The following KIF1A variants were observed in gnomAD, a reference collection of about 807,000 sequenced individuals.
KIF1A encodes kinesin-like protein KIF1A.
KIF1A carries 46 observed loss-of-function variants against 227.3 expected under a neutral mutation model. That is an observed-to-expected ratio of 0.20 (90% CI 0.16 to 0.26). KIF1A has a LOEUF of 0.26. KIF1A is among the 10% of genes least tolerant of loss of function. The pLI, the probability that KIF1A is intolerant of heterozygous loss-of-function variation, is 1.00. For missense variants in KIF1A, 1,683 were observed against 2,485.9 expected (o/e 0.68, Z 6.87); for synonymous variants, 1,022 against 1,012.8 (o/e 1.01, Z -0.17).
rs2054368563 is a variant in KIF1A, at chr2:240,783,721, T to G, written c.798+18A>C. The G allele has an allele frequency of 6.4e-7, 1 of 1,554,328 alleles. No homozygotes were observed. The highest frequency in any genetic ancestry group is 8.7e-7 in the Non-Finnish European group (1 of 1,147,668). On this transcript the variant is annotated intron_variant, in intron 8 of 48. Transcript: ENST00000498729. ...CCAAATGTGGACACGGGTCCCCGCA[T>G]GGCGGCCTGGCCCCTACCTTGAGGC...
rs1559498954 is a variant in KIF1A at position 240,750,285 on chromosome 2, G to A, written c.2977+144C>T. 7.9e-6 allele frequency: 5 copies of A among 632,414 alleles called. No homozygotes were observed. In the Middle Eastern group the frequency reaches 1.2e-3, roughly 153 times the overall value. 39.2% of individuals were successfully genotyped at this position (632,414 alleles called of 1,614,324 possible). ...AACAGCTTCAGGTTGACCCCAGGGAGAGTGGAGGGCCAGCTGAGGCCAGCT... is the reference window on the plus strand; with the variant it reads ...AACAGCTTCAGGTTGACCCCAGGGAAAGTGGAGGGCCAGCTGAGGCCAGCT... On this transcript the variant is annotated intron_variant, in intron 28 of 48. Transcript: ENST00000498729.
At chr2:240,755,341 G>C (rs943016016) in intron 27 of KIF1A, among the ~76,000 whole-genome samples, 1 of 152,246 alleles carries the variant, frequency 6.6e-6, no homozygotes, top group South Asian at 2.1e-4. Context: ...AGCGAGGGCT[G>C]AGTGTGGCGG....
chr2:240,788,659 G>A lies in KIF1A; in HGVS notation c.184-429C>T, dbSNP rs933274725. On this transcript the variant is annotated intron_variant, in intron 3 of 48. Coordinates refer to ENST00000498729, the MANE Select transcript of KIF1A (RefSeq NM_001244008.2). The surrounding 1 kb of genome is among the most constrained non-coding windows in gnomAD (Gnocchi z 6.6). Reference sequence around the variant, plus strand: ...GGACAGTGGGGCACTTTAGGCAGGGGGACAGGGTGATTAGCTGGGGGTCAT... The same window carrying A: ...GGACAGTGGGGCACTTTAGGCAGGGAGACAGGGTGATTAGCTGGGGGTCAT... 6.6e-6 allele frequency among the ~76,000 whole-genome samples: 1 copy of A among 152,144 alleles called. No homozygotes were observed. The highest frequency in any genetic ancestry group is 2.4e-5 in the African/African-American group (1 of 41,442).
At chr2:240,814,897 A>T (rs1447522596) in intron 1 of KIF1A, among the ~76,000 whole-genome samples, 2 of 152,230 alleles carry the variant, frequency 1.3e-5, no homozygotes, top group African/African-American at 4.8e-5. Flanking sequence ...AACCTGGGTG[A>T]CAGAGTGAGA....
At chr2:240,750,639 C>G in intron 27 of KIF1A, 92 bp from the exon 28 acceptor site, 1 of 918,144 alleles carries the variant, frequency 1.1e-6, no homozygotes, top group East Asian at 2.6e-5. Context: ...CACGACACAA[C>G]ATGGAGCTGC....
intron 38 of KIF1A, among the ~76,000 whole-genome samples, chr2:240,730,284 G>T (rs2046454919): frequency 6.6e-6 from 1 of 152,222 alleles, no homozygotes; most frequent in African/African-American, 2.4e-5. Context: ...GCAGGGCACA[G>T]CATGGGAACC....
At position 240,740,419 on chromosome 2, in the gene KIF1A, C is replaced by T. The variant is rs1001018739; in HGVS notation, c.3750-55G>A. The T allele has an allele frequency of 2.7e-5, 40 of 1,460,866 alleles. No individual in the cohort carries two copies. Among genetic ancestry groups the T allele is most frequent in the African/African-American group, 1.1e-4 (8 of 71,822 alleles). The allele number at this position is 1,460,866 out of a possible 1,614,324, so 90.5% of individuals were successfully genotyped here. On this transcript the variant is annotated intron_variant, in intron 35 of 48. Transcript: ENST00000498729. The surrounding 1 kb of genome is among the most constrained non-coding windows in gnomAD (Gnocchi z 6.1). ...GCCAGCCCCTCCTCTCTGCCCTCCC[C>T]GCAGCACAGGACACAGTGGACGGGA...
chr2:240,748,292 G>A (rs1055585758), intron 28 of KIF1A, among the ~76,000 whole-genome samples: 4 of 152,154 alleles, frequency 2.6e-5, no homozygotes, highest in Admixed American at 2.0e-4. Context: ...CCCATAGGGT[G>A]CAGGACAAAG....
chr2:240,721,095 T>C, intron 44 of KIF1A, 57 bp from the exon 45 acceptor site: 1 of 1,597,172 alleles, frequency 6.3e-7, no homozygotes, highest in Non-Finnish European at 8.5e-7. Context: ...CCGGCCTCTG[T>C]GGGAGCTGCT....
intron 16 of KIF1A, 45 bp downstream of exon 16, chr2:240,769,582 C>A: frequency 6.5e-7 from 1 of 1,533,748 alleles, no homozygotes; most frequent in Non-Finnish European, 9.0e-7. Context: ...TCCGGGCTTG[C>A]TGGCTGCACC....
At position 240,736,550 on chromosome 2, in the gene KIF1A, T is replaced by A. The variant is rs890614459; in HGVS notation, c.4007+513A>T. Among the ~76,000 whole-genome samples, 1 of 152,078 alleles carries A rather than the reference T, an allele frequency of 6.6e-6. No individual in the cohort carries two copies. The highest frequency in any genetic ancestry group is 2.4e-5 in the African/African-American group (1 of 41,414). On this transcript the variant is annotated intron_variant, in intron 38 of 48. Coordinates refer to ENST00000498729, the MANE Select transcript of KIF1A (RefSeq NM_001244008.2). This position sits in a 1 kb window ranked among gnomAD's most constrained non-coding sequence, Gnocchi z 4.7. ...CGCCAAAACCCCAGCCTAAATGCGG[T>A]CGGGCTGGGACCGCCCAGACTGTGG...
chr2:240,791,160 A>G (rs1156603218), intron 2 of KIF1A, among the ~76,000 whole-genome samples: 12 of 152,148 alleles, frequency 7.9e-5, no homozygotes, highest in Admixed American at 7.8e-4. Context: ...CGTCCGTGCT[A>G]TGGCCAGGAG....
At chr2:240,733,552 G>A (rs1474757935) in intron 38 of KIF1A, among the ~76,000 whole-genome samples, 2 of 152,202 alleles carry the variant, frequency 1.3e-5, no homozygotes, top group Non-Finnish European at 1.5e-5. Context: ...CGTGCTCAAG[G>A]GACCATGCCA....
rs957698209 is a variant in KIF1A at position 240,766,918 on chromosome 2, C to T, written c.1681G>A (p.Glu561Lys). 3.1e-6 allele frequency: 5 copies of T among 1,605,580 alleles called. No homozygotes were observed. The highest frequency in any genetic ancestry group is 3.4e-6 in the Non-Finnish European group (4 of 1,175,840). ...VFRSDSRGGS[E>K]AVVTLEPCEG... ...AGGGACGGTAGGGTGGTGATACCTT[C>T]GCTGCCTCCCCTGGAGTCGCTCCGG... Residue 561 changes from glutamate to lysine, a missense_variant, in exon 19 of 49, where the codon GAA becomes AAA. Around this residue, in one of 12 missense-constraint regions of KIF1A, gnomAD observed 217 missense variants for 427.0 expected, o/e 0.51. Coordinates refer to ENST00000498729, the MANE Select transcript of KIF1A (RefSeq NM_001244008.2). The surrounding 1 kb of genome is among the most constrained non-coding windows in gnomAD (Gnocchi z 5.0).
chr2:240,807,078 ATGTGTGTGTGTGTGTGTGTG>A lies in KIF1A; in HGVS notation c.-60-9286_-60-9267del, dbSNP rs67918205. ...ATTTGACCTACACATCCTCATATAT[ATGTGTGTGTGTGTGTGTGTG>A]TGTGTGTGTGTGTGTGTGTGTGTGT... On this transcript the variant is annotated intron_variant, in intron 1 of 48. Coordinates refer to ENST00000498729, the MANE Select transcript of KIF1A (RefSeq NM_001244008.2). 2.4e-3 allele frequency among the ~76,000 whole-genome samples: 225 copies of A among 95,254 alleles called. 4 individuals are homozygous for A. Among genetic ancestry groups the A allele is most frequent in the African/African-American group, 0.011 (203 of 18,390 alleles). 62.5% of individuals were successfully genotyped at this position (95,254 alleles called of 152,430 possible).
chr2:240,759,197 G>A (rs1353376691), intron 25 of KIF1A, among the ~76,000 whole-genome samples: 1 of 151,920 alleles, frequency 6.6e-6, no homozygotes, highest in Non-Finnish European at 1.5e-5. Context: ...GTGTATGAAT[G>A]CATTAATCAT....
chr2:240,723,760 T>C (rs571693613), intron 41 of KIF1A, among the ~76,000 whole-genome samples: 1 of 152,274 alleles, frequency 6.6e-6, no homozygotes, highest in East Asian at 1.9e-4. Flanking sequence ...CCCATGGCCA[T>C]CTCGGCTGTG....
intron 10 of KIF1A, 55 bp downstream of exon 10, chr2:240,782,535 C>T: frequency 6.5e-7 from 1 of 1,540,744 alleles, no homozygotes; most frequent in Admixed American, 2.0e-5. Context: ...CAATGCAGGG[C>T]AGACACCGCC....
chr2:240,783,367 G>A (rs2054320810), intron 8 of KIF1A, among the ~76,000 whole-genome samples: 1 of 152,198 alleles, frequency 6.6e-6, no homozygotes, highest in Non-Finnish European at 1.5e-5. Flanking sequence ...ATGCTTCCGG[G>A]TCCCCTGCCC....
Sources: allele counts gnomAD v4.1 joint callset (sites outside exome capture counted in the v4.1 genomes callset), GRCh38; gene constraint gnomAD v4.1.1; regional missense constraint gnomAD v4.1.1; non-coding constraint Gnocchi (gnomAD v3.1); transcripts MANE v1.5; gene names NCBI Gene and HGNC (gene_info 2026-07-23, HGNC 2026-07-21).